Variants in PRKCA observed in about 807,000 individuals in gnomAD.
The protein encoded by PRKCA is protein kinase C alpha type.
A neutral mutation model predicts 87.0 loss-of-function variants in PRKCA; 27 were observed. The observed-to-expected ratio is 0.31, with a 90% CI of 0.23 to 0.43. The LOEUF is 0.43. Ranked by LOEUF, PRKCA falls within the 20% of genes least tolerant of loss-of-function variation. PRKCA has a pLI of 1.00. For synonymous variants in PRKCA, 329 were observed against 311.1 expected (o/e 1.06, Z -0.61); for missense variants, 518 against 852.3 (o/e 0.61, Z 4.88).
intron 3 of PRKCA, among the ~76,000 whole-genome samples, chr17:66,512,400 C>T (rs1387866812): frequency 2.6e-5 from 4 of 151,976 alleles, no homozygotes; most frequent in Non-Finnish European, 5.9e-5. Context: ...CAAGATCACA[C>T]CACTGCACTC....
chr17:66,609,916 G>GC (rs1355034752), intron 3 of PRKCA, among the ~76,000 whole-genome samples: 1 of 151,966 alleles, frequency 6.6e-6, no homozygotes, highest in Non-Finnish European at 1.5e-5. Flanking sequence ...GAGAGATGTT[G>GC]CCCCCCACCC....
chr17:66,778,196 T>G (rs1975106978), intron 14 of PRKCA: 2 of 985,220 alleles, frequency 2.0e-6, no homozygotes, highest in Non-Finnish European at 1.2e-6. Flanking sequence ...ATATGCATAC[T>G]TTCAGGTCTC....
intron 5 of PRKCA, among the ~76,000 whole-genome samples, chr17:66,663,909 C>T (rs1318662530): frequency 2.6e-5 from 4 of 151,384 alleles, no homozygotes; most frequent in African/African-American, 9.7e-5. Context: ...ACTCAGTCAC[C>T]CAGGCTGGAG....
chr17:66,603,895 C>CT (rs1970128279), intron 3 of PRKCA, among the ~76,000 whole-genome samples: 1 of 152,222 alleles, frequency 6.6e-6, no homozygotes, highest in African/African-American at 2.4e-5. Flanking sequence ...TATTATTTCA[C>CT]TTAGTATGAA....
chr17:66,340,151 CAG>C (rs1906951390), intron 2 of PRKCA: 2 of 152,074 alleles, frequency 1.3e-5, no homozygotes, highest in African/African-American at 2.4e-5. Flanking sequence ...TTTGGGGAAA[CAG>C]ATAAAAAGGA....
In PRKCA at chr17:66,719,621, G is replaced by A. The variant is rs138637515; in HGVS notation, c.919-13067G>A. On this transcript the variant is annotated intron_variant, in intron 8 of 16. Coordinates refer to ENST00000413366, the MANE Select transcript of PRKCA (RefSeq NM_002737.3). ...GTCTCTACTAAAAATACAAAAATTA[G>A]CCAGGCATGGTGACATGTTCCTGTA... Among the ~76,000 whole-genome samples, 1,148 of 152,256 alleles carry A rather than the reference G, an allele frequency of 7.5e-3. 21 individuals are homozygous for A. The highest frequency in any genetic ancestry group is 0.027 in the African/African-American group (1,101 of 41,546).
intron 3 of PRKCA, among the ~76,000 whole-genome samples, chr17:66,530,619 C>G (rs1238079574): frequency 6.6e-6 from 1 of 152,112 alleles, no homozygotes; most frequent in African/African-American, 2.4e-5. Flanking sequence ...GTGTTGGCTT[C>G]CAAACCTTCC....
intron 9 of PRKCA, 24 bp from the exon 10 acceptor site, chr17:66,735,465 A>AGGT: frequency 6.2e-7 from 1 of 1,614,046 alleles, no homozygotes; most frequent in Non-Finnish European, 8.5e-7. Context: ...ACAAGTGTTC[A>AGGT]GGTTGTTCTT....
chr17:66,522,781 T>C (rs557310944), intron 3 of PRKCA, among the ~76,000 whole-genome samples: 7 of 150,596 alleles, frequency 4.6e-5, no homozygotes, highest in Non-Finnish European at 7.4e-5. Context: ...TGTCATTGGC[T>C]GATGTGTAGT....
At chr17:66,445,436 G>A (rs1567832650) in intron 2 of PRKCA, among the ~76,000 whole-genome samples, 1 of 152,252 alleles carries the variant, frequency 6.6e-6, no homozygotes, top group Non-Finnish European at 1.5e-5. Flanking sequence ...AATTACCTCG[G>A]AGTAGAAGGC....
chr17:66,402,283 C>A (rs16959178), intron 2 of PRKCA, among the ~76,000 whole-genome samples: 2 of 151,672 alleles, frequency 1.3e-5, no homozygotes, highest in African/African-American at 2.4e-5. Flanking sequence ...TTTGTCCAGG[C>A]GGTTTTAGGA....
chr17:66,789,486 G>C (rs1262678078), intron 16 of PRKCA, among the ~76,000 whole-genome samples: 1 of 152,244 alleles, frequency 6.6e-6, no homozygotes, highest in Non-Finnish European at 1.5e-5. Flanking sequence ...CGGGGAGTGA[G>C]TGTCAGCCAC....
At chr17:66,791,709 G>T (rs1490062548) in intron 16 of PRKCA, among the ~76,000 whole-genome samples, 1 of 152,208 alleles carries the variant, frequency 6.6e-6, no homozygotes, top group African/African-American at 2.4e-5. Context: ...ACACGCTGGG[G>T]CAGAGACACC....
At chr17:66,595,609 G>A (rs557130171) in intron 3 of PRKCA, among the ~76,000 whole-genome samples, 6 of 151,856 alleles carry the variant, frequency 4.0e-5, no homozygotes, top group African/African-American at 1.4e-4. Flanking sequence ...ACAGGTGCCC[G>A]CCATCAAGCC....
intron 3 of PRKCA, among the ~76,000 whole-genome samples, chr17:66,565,622 T>C (rs573695953): frequency 1.1e-4 from 17 of 152,290 alleles, no homozygotes; most frequent in Non-Finnish European, 1.9e-4. Context: ...AGGCCCCTTT[T>C]TCTTCTCAGT....
chr17:66,781,879 ATATATATAGTGT>A (rs1975230622), intron 14 of PRKCA, among the ~76,000 whole-genome samples: 1 of 134,846 alleles, frequency 7.4e-6, no homozygotes, highest in Non-Finnish European at 1.6e-5. Context: ...ATATATATAT[ATATATATAGTGT>A]GTGTGTGTGT....
In PRKCA at chr17:66,609,430, C is replaced by T. The variant is rs141977952; in HGVS notation, c.289-31925C>T. On this transcript the variant is annotated intron_variant, in intron 3 of 16. Transcript: ENST00000413366. ...TGTCTATTGAGCAAACCGGAGAGACCAGCTCCATCCTGGAAAATTAAAACA... is the reference window on the plus strand; with the variant it reads ...TGTCTATTGAGCAAACCGGAGAGACTAGCTCCATCCTGGAAAATTAAAACA... 1.5e-3 allele frequency among the ~76,000 whole-genome samples: 222 copies of T among 152,200 alleles called. 1 individual carries two copies. Among genetic ancestry groups the T allele is most frequent in the Non-Finnish European group, 2.6e-3 (178 of 68,008 alleles).
chr17:66,798,419 G>GTGGTGGTGA lies in PRKCA; in HGVS notation c.1855-5446_1855-5445insATGGTGGTG, dbSNP rs1568040790. 3.9e-3 allele frequency among the ~76,000 whole-genome samples: 320 copies of GTGGTGGTGA among 81,562 alleles called. 25 individuals are homozygous for GTGGTGGTGA. The highest frequency in any genetic ancestry group is 7.6e-3 in the East Asian group (16 of 2,116). 53.5% of individuals were successfully genotyped at this position (81,562 alleles called of 152,430 possible). A position where few individuals can be genotyped will look rare whatever the true frequency, so the allele number is the denominator to read the frequency against. On this transcript the variant is annotated intron_variant, in intron 16 of 16. Transcript: ENST00000413366. ...GGTGGTGGTGGTGATGGTGATGGTG[G>GTGGTGGTGA]TGGTGGTGGTGGTGACGGTGGTGGT...
intron 3 of PRKCA, among the ~76,000 whole-genome samples, chr17:66,593,594 G>A (rs1449457972): frequency 2.0e-5 from 3 of 152,290 alleles, no homozygotes; most frequent in African/African-American, 4.8e-5. Flanking sequence ...TAAAAGAAGA[G>A]GAGAATGACT....
Sources: allele counts gnomAD v4.1 joint callset (sites outside exome capture counted in the v4.1 genomes callset), GRCh38; gene constraint gnomAD v4.1.1; transcripts MANE v1.5; gene names NCBI Gene and HGNC (gene_info 2026-07-23, HGNC 2026-07-21).